MPRIP: variants seen among roughly 807,000 people sequenced by gnomAD.
The protein encoded by MPRIP is myosin phosphatase Rho-interacting protein.
MPRIP carries 59 observed loss-of-function variants against 234.9 expected under a neutral mutation model. That is an observed-to-expected ratio of 0.25 (90% CI 0.20 to 0.31). The LOEUF is 0.31. Ranked by LOEUF, MPRIP falls within the 10% of genes least tolerant of loss-of-function variation. The pLI, the probability that MPRIP is intolerant of heterozygous loss-of-function variation, is 1.00. For missense variants in MPRIP, 2,436 were observed against 3,071.0 expected (o/e 0.79, Z 4.89); for synonymous variants, 1,144 against 1,263.9 (o/e 0.91, Z 2.01).
At chr17:17,129,077 A>G (rs2090547439) in intron 4 of MPRIP, among the ~76,000 whole-genome samples, 1 of 152,044 alleles carries the variant, frequency 6.6e-6, no homozygotes, top group Non-Finnish European at 1.5e-5. Flanking sequence ...CATAGCCCTG[A>G]CAGCTGCGTG....
chr17:17,055,291 A>G (rs1213431868), intron 1 of MPRIP, among the ~76,000 whole-genome samples: 1 of 152,156 alleles, frequency 6.6e-6, no homozygotes, highest in Non-Finnish European at 1.5e-5. Flanking sequence ...ACTCGTATCC[A>G]TGGAGCAACT....
At chr17:17,172,212 A>G (rs1212457802) in intron 17 of MPRIP, among the ~76,000 whole-genome samples, 3 of 152,222 alleles carry the variant, frequency 2.0e-5, no homozygotes, top group African/African-American at 7.2e-5. Context: ...ACGTGGGACC[A>G]CCTCTGGCCA....
At chr17:17,172,496 A>G (rs2046161329) in intron 17 of MPRIP, among the ~76,000 whole-genome samples, 1 of 152,160 alleles carries the variant, frequency 6.6e-6, no homozygotes, top group African/African-American at 2.4e-5. Context: ...GGGGGAGTTC[A>G]TGAAGAATTC....
chr17:17,172,096 C>T (rs1110504), intron 17 of MPRIP, among the ~76,000 whole-genome samples: 10,532 of 152,294 alleles, frequency 0.069, 514 homozygotes, highest in East Asian at 0.18. Context: ...CCGTCGTGGC[C>T]GGCTGCACAC....
rs2045976033 is a variant in MPRIP at position 17,165,773 on chromosome 17, G to A, written c.4182G>A (p.Glu1394=). ...TGGAGACCAAGCTCTACGTCACAGA[G>A]GAAAAGCTCAAAGACGTGACCGTGA... ...HSLETKLYVT[E]EKLKDVTVRL... The change falls in exon 16 of 24, where the codon GAG becomes GAA. Residue 1394 remains glutamate (E), a synonymous_variant. Coordinates refer to ENST00000651222, the MANE Select transcript of MPRIP (RefSeq NM_001364716.4). The A allele has an allele frequency of 7.7e-7, 1 of 1,304,620 alleles. No individual in the cohort carries two copies. Among genetic ancestry groups the A allele is most frequent in the African/African-American group, 1.5e-5 (1 of 65,890 alleles). The allele number at this position is 1,304,620 out of a possible 1,614,324, so 80.8% of individuals were successfully genotyped here. A position where few individuals can be genotyped will look rare whatever the true frequency, so the allele number is the denominator to read the frequency against.
chr17:17,157,118 C>G (rs962031308), intron 13 of MPRIP, among the ~76,000 whole-genome samples: 2 of 152,210 alleles, frequency 1.3e-5, no homozygotes, highest in African/African-American at 4.8e-5. Flanking sequence ...TGGGGCCTAT[C>G]TCTAGAGTCT....
rs1410300773 is a variant in MPRIP, at chr17:17,177,334, A to G, written c.7042A>G (p.Arg2348Gly). The G allele has an allele frequency of 6.2e-7, 1 of 1,613,982 alleles. No homozygotes were observed. Among genetic ancestry groups the G allele is most frequent in the East Asian group, 2.2e-5 (1 of 44,884 alleles). The change falls in exon 22 of 24, where the codon AGG becomes GGG. Residue 2348 changes from arginine (R) to glycine (G), a missense_variant. Coordinates refer to ENST00000651222, the MANE Select transcript of MPRIP (RefSeq NM_001364716.4). Reference sequence around the variant, plus strand: ...GGCTAAGGCTGACTGTGACATCAGCAGGTTGAAGGAGCAGCTCAAGGCTGC... The same window carrying G: ...GGCTAAGGCTGACTGTGACATCAGCGGGTTGAAGGAGCAGCTCAAGGCTGC... ...AKAKADCDIS[R>G]LKEQLKAATE...
intron 3 of MPRIP, among the ~76,000 whole-genome samples, chr17:17,102,259 G>A (rs117594696): frequency 0.027 from 4,093 of 152,208 alleles, 84 homozygotes; most frequent in Middle Eastern, 0.048. Context: ...GGCCAGGAAG[G>A]GGGCTATACC....
At chr17:17,093,188 T>C (rs912474780) in intron 3 of MPRIP, among the ~76,000 whole-genome samples, 1 of 152,244 alleles carries the variant, frequency 6.6e-6, no homozygotes, top group African/African-American at 2.4e-5. Context: ...GGTTGAAACA[T>C]CCTATTTCCC....
chr17:17,069,014 T>G (rs2089126557), intron 1 of MPRIP, among the ~76,000 whole-genome samples: 2 of 152,186 alleles, frequency 1.3e-5, no homozygotes, highest in South Asian at 4.1e-4. Flanking sequence ...ATTGTGTTAT[T>G]GAGAGGGATG....
chr17:17,171,848 C>T lies in MPRIP; in HGVS notation c.6455C>T (p.Thr2152Ile), dbSNP rs1435268809. Residue 2152 changes from threonine to isoleucine, a missense_variant, in exon 17 of 24, where the codon ACA becomes ATA. By Grantham distance (89) the Thr-to-Ile change is moderately conservative. Coordinates refer to ENST00000651222, the MANE Select transcript of MPRIP (RefSeq NM_001364716.4). ...AAAGACCGCCTCCTAGCCGAGGAGA[C>T]AGCGGCCACCATCTCAGGTTGGGGG... Reference protein sequence around the residue: ...EEKDRLLAEETAATISAIEAM... With the variant: ...EEKDRLLAEEIAATISAIEAM... The T allele has an allele frequency of 1.2e-6, 2 of 1,611,364 alleles. No individual in the cohort carries two copies. Among genetic ancestry groups the T allele is most frequent in the Non-Finnish European group, 1.7e-6 (2 of 1,179,748 alleles).
At chr17:17,087,070 T>C (rs1053802252) in intron 3 of MPRIP, among the ~76,000 whole-genome samples, 2 of 152,162 alleles carry the variant, frequency 1.3e-5, no homozygotes, top group African/African-American at 2.4e-5. Context: ...GAGGCCCAAG[T>C]GACATTTCCC....
At chr17:17,147,238 C>T (rs900010313) in intron 10 of MPRIP, 81 bp from the exon 11 acceptor site, 1 of 1,387,494 alleles carries the variant, frequency 7.2e-7, no homozygotes, top group Admixed American at 1.7e-5. Flanking sequence ...CCCACAGGCT[C>T]TGGCTGCGCA....
intron 1 of MPRIP, among the ~76,000 whole-genome samples, chr17:17,071,946 C>T (rs1484469769): frequency 6.6e-6 from 1 of 152,172 alleles, no homozygotes. Flanking sequence ...AACCAGAAAA[C>T]AGCAAAGCTA....
At chr17:17,117,490 C>T (rs1034192127) in intron 3 of MPRIP, among the ~76,000 whole-genome samples, 3 of 152,256 alleles carry the variant, frequency 2.0e-5, no homozygotes, top group African/African-American at 4.8e-5. Flanking sequence ...GCTTCATTCA[C>T]TTAGCGTGAT....
intron 9 of MPRIP, 83 bp downstream of exon 9, chr17:17,143,752 G>A (rs1449743234): frequency 4.1e-5 from 35 of 859,756 alleles, no homozygotes; most frequent in Admixed American, 5.7e-5. Context: ...CTGTCTATGC[G>A]TCCATGCCAG....
rs750654393 is a variant in MPRIP at position 17,138,816 on chromosome 17, A to G, written c.1250+387A>G. ...AGTCCCTAGAGCTACATGTGGTGAC[A>G]GAGGCGCTCCTCACCCTGGCAGTCC... On this transcript the variant is annotated intron_variant, in intron 7 of 23. Coordinates refer to ENST00000651222, the MANE Select transcript of MPRIP (RefSeq NM_001364716.4). This position sits in a 1 kb window ranked among gnomAD's most constrained non-coding sequence, Gnocchi z 5.8. Among the ~76,000 whole-genome samples the G allele has an allele frequency of 1.3e-5, 2 of 152,150 alleles. No homozygotes were observed. The highest frequency in any genetic ancestry group is 2.9e-5 in the Non-Finnish European group (2 of 68,012).
chr17:17,128,519 C>G (rs1277179319), intron 4 of MPRIP, among the ~76,000 whole-genome samples: 16 of 152,162 alleles, frequency 1.1e-4, no homozygotes, highest in Non-Finnish European at 1.3e-4. Context: ...TTGCCATACC[C>G]ATGCAGCTTG....
intron 1 of MPRIP, among the ~76,000 whole-genome samples, chr17:17,055,224 G>A (rs2088657829): frequency 6.6e-6 from 1 of 152,118 alleles, no homozygotes; most frequent in Admixed American, 6.5e-5. Flanking sequence ...TCTTTGATGG[G>A]TGTATGAGTT....
Sources: allele counts gnomAD v4.1 joint callset (sites outside exome capture counted in the v4.1 genomes callset), GRCh38; gene constraint gnomAD v4.1.1; non-coding constraint Gnocchi (gnomAD v3.1); transcripts MANE v1.5; gene names NCBI Gene and HGNC (gene_info 2026-07-23, HGNC 2026-07-21).